SCN11A: variants seen among roughly 807,000 people sequenced by gnomAD.
SCN11A encodes sodium voltage-gated channel alpha subunit 11.
In SCN11A, 122 loss-of-function variants were observed where a neutral mutation model predicts 162.2. That is an observed-to-expected ratio of 0.75 (90% CI 0.65 to 0.87). The LOEUF (loss-of-function observed/expected upper bound fraction) is 0.87, where lower values mean the gene tolerates loss of function less well. SCN11A is among the 40% of genes least tolerant of loss of function. SCN11A has a pLI of 0.00. For missense variants in SCN11A, 2,015 were observed against 2,181.6 expected (o/e 0.92, Z 1.52); for synonymous variants, 758 against 751.5 (o/e 1.01, Z -0.14).
At chr3:38,919,459 G>A (rs1350940543) in intron 11 of SCN11A, among the ~76,000 whole-genome samples, 2 of 152,184 alleles carry the variant, frequency 1.3e-5, no homozygotes, top group African/African-American at 2.4e-5. Context: ...TTCCCCATTG[G>A]AGCAGAGGGC....
intron 2 of SCN11A, among the ~76,000 whole-genome samples, chr3:39,002,498 T>C (rs2030845525): frequency 6.6e-6 from 1 of 152,230 alleles, no homozygotes; most frequent in Non-Finnish European, 1.5e-5. Context: ...GATTTGTATT[T>C]CTACAAGTTT....
In SCN11A at chr3:38,969,056, C is replaced by T. The variant is rs1049847717; in HGVS notation, c.-279-8633G>A. On this transcript the variant is annotated intron_variant, in intron 2 of 29. Coordinates refer to ENST00000302328, the MANE Select transcript of SCN11A (RefSeq NM_001349253.2). ...ATATTTGAGCCCCAAGTAGTAGCTGCAGTGGCTTGCTGACTTATTTGTGCA... is the reference window on the plus strand; with the variant it reads ...ATATTTGAGCCCCAAGTAGTAGCTGTAGTGGCTTGCTGACTTATTTGTGCA... Among the ~76,000 whole-genome samples, 30 of 152,112 alleles carry T rather than the reference C, an allele frequency of 2.0e-4. 1 individual carries two copies. Among genetic ancestry groups the T allele is most frequent in the Non-Finnish European group, 2.9e-5 (2 of 68,016 alleles).
chr3:38,997,978 A>T (rs2030694758), intron 2 of SCN11A, among the ~76,000 whole-genome samples: 1 of 152,232 alleles, frequency 6.6e-6, no homozygotes, highest in Non-Finnish European at 1.5e-5. Flanking sequence ...TTTTAAAAAT[A>T]AATGTATTAA....
At position 38,852,654 on chromosome 3, in the gene SCN11A, G is replaced by T. The variant is rs147236633; in HGVS notation, c.4057-1903C>A. Among the ~76,000 whole-genome samples, 4 of 152,294 alleles carry T rather than the reference G, an allele frequency of 2.6e-5. No homozygotes were observed. The East Asian group carries it at 7.7e-4, about 29-fold the overall frequency. On this transcript the variant is annotated intron_variant, in intron 28 of 29. Coordinates refer to ENST00000302328, the MANE Select transcript of SCN11A (RefSeq NM_001349253.2). ...CTTGTTCTATTACTGGAAATGAAAT[G>T]CATCAATGCTCAGGCTAAAACAGCT... is the stretch of plus-strand genomic sequence containing the variant.
intron 28 of SCN11A, among the ~76,000 whole-genome samples, chr3:38,861,852 C>G (rs932503529): frequency 6.6e-6 from 1 of 151,966 alleles, no homozygotes; most frequent in African/African-American, 2.4e-5. Flanking sequence ...GACCAAGAAC[C>G]CAAATGCAAA....
intron 16 of SCN11A, among the ~76,000 whole-genome samples, chr3:38,900,742 TGCAGG>T (rs1428324265): frequency 1.3e-5 from 2 of 151,674 alleles, no homozygotes; most frequent in African/African-American, 2.4e-5. Context: ...TCATTCAGAA[TGCAGG>T]GCTCACATTT....
intron 11 of SCN11A, among the ~76,000 whole-genome samples, chr3:38,917,958 G>T (rs1186163411): frequency 2.6e-5 from 4 of 152,126 alleles, no homozygotes; most frequent in Non-Finnish European, 5.9e-5. Context: ...TGTGTCCTCT[G>T]CCTCTCTACT....
chr3:38,866,473 G>GCCTC (rs748112388), intron 27 of SCN11A, among the ~76,000 whole-genome samples: 14 of 152,170 alleles, frequency 9.2e-5, no homozygotes, highest in Non-Finnish European at 1.2e-4. Context: ...CCCCGCCTTG[G>GCCTC]CCTCCCAAAG....
chr3:38,980,155 G>A (rs1434883145), intron 2 of SCN11A, among the ~76,000 whole-genome samples: 1 of 152,058 alleles, frequency 6.6e-6, no homozygotes, highest in African/African-American at 2.4e-5. Context: ...CTGGGTGCTC[G>A]TAAATGCTGG....
chr3:39,044,309 T>G (rs886797440), intron 1 of SCN11A, among the ~76,000 whole-genome samples: 5 of 152,152 alleles, frequency 3.3e-5, no homozygotes, highest in African/African-American at 4.8e-5. Flanking sequence ...AACGGCAATA[T>G]AGACCAAATG....
chr3:39,023,818 T>A lies in SCN11A; in HGVS notation c.-280+8562A>T, dbSNP rs189327419. Among the ~76,000 whole-genome samples, 66 of 152,250 alleles carry A rather than the reference T, an allele frequency of 4.3e-4. No homozygotes were observed. The East Asian group carries it at 9.7e-3, about 22-fold the overall frequency. ...CCACCACGCCTGGCTAATTTTTGTA[T>A]TTTTAGTAGAGGCAGGGTTTTACCA... On this transcript the variant is annotated intron_variant, in intron 2 of 29. Transcript: ENST00000302328.
chr3:38,907,896 C>A, intron 14 of SCN11A, 53 bp downstream of exon 14: 1 of 1,438,026 alleles, frequency 7.0e-7, no homozygotes, highest in South Asian at 1.3e-5. Flanking sequence ...GGCAATTGGA[C>A]CTGTCCCCCT....
chr3:38,957,516 C>T (rs910189470), intron 3 of SCN11A, among the ~76,000 whole-genome samples: 1 of 152,084 alleles, frequency 6.6e-6, no homozygotes, highest in African/African-American at 2.4e-5. Flanking sequence ...ACTGGGAGGC[C>T]GGCCACATGC....
At chr3:38,963,027 A>G (rs991208827) in intron 2 of SCN11A, among the ~76,000 whole-genome samples, 2 of 151,804 alleles carry the variant, frequency 1.3e-5, no homozygotes, top group Admixed American at 6.6e-5. Context: ...AAGAATGGCC[A>G]TAATTAAAAA....
chr3:38,849,062 T>C (rs2064727796), intron 29 of SCN11A, among the ~76,000 whole-genome samples: 1 of 152,182 alleles, frequency 6.6e-6, no homozygotes, highest in Non-Finnish European at 1.5e-5. Flanking sequence ...GCAAATGCCA[T>C]ACAGCATGTA....
intron 28 of SCN11A, 26 bp from the exon 29 acceptor site, chr3:38,850,777 C>A (rs780540916): frequency 4.6e-6 from 7 of 1,535,322 alleles, no homozygotes; most frequent in South Asian, 2.5e-5. Context: ...AATTATAAAT[C>A]ATTTTGAATG....
Position 38,871,532 on chromosome 3 carries a change from A to G in SCN11A, c.3672T>C (p.Ser1224=), listed in dbSNP as rs766425396. ...AAGAGAAATTGCCACTTTCACATTG[A>G]CTTTTATTTGTAATGATGGTATAAT... ...VINYTIITNK[S]QCESGNFSWI... Residue 1224 remains serine (S), a synonymous_variant, in exon 25 of 30, where the codon AGT becomes AGC. Transcript: ENST00000302328. 2 of 1,612,572 alleles carry G rather than the reference A, an allele frequency of 1.2e-6. No individual in the cohort carries two copies. The highest frequency in any genetic ancestry group is 4.5e-5 in the East Asian group (2 of 44,806).
Position 38,846,863 on chromosome 3 carries a change from C to T in SCN11A, c.5207G>A (p.Gly1736Asp). The T allele has an allele frequency of 6.2e-7, 1 of 1,614,002 alleles. No homozygotes were observed. Among genetic ancestry groups the T allele is most frequent in the Non-Finnish European group, 8.5e-7 (1 of 1,179,962 alleles). The change falls in exon 30 of 30, where the codon GGT becomes GAT. Residue 1736 changes from glycine (G) to aspartate (D), a missense_variant. Coordinates refer to ENST00000302328, the MANE Select transcript of SCN11A (RefSeq NM_001349253.2). ...TTTKRKEEER[G>D]AAIIQKAFRK... ...AAAGGCCTTTTGAATAATAGCAGCA[C>T]CTCTTTCCTCTTCCTTTCTCTTGGT...
intron 12 of SCN11A, 145 bp downstream of exon 12, chr3:38,909,921 C>CAGAATTTAACAGGCAGAATTT: frequency 1.1e-6 from 1 of 879,308 alleles, no homozygotes; most frequent in Non-Finnish European, 1.7e-6. Flanking sequence ...TTTAACAGTA[C>CAGAATTTAACAGGCAGAATTT]AACTGTTAAA....
Sources: allele counts gnomAD v4.1 joint callset (sites outside exome capture counted in the v4.1 genomes callset), GRCh38; gene constraint gnomAD v4.1.1; transcripts MANE v1.5; gene names NCBI Gene and HGNC (gene_info 2026-07-23, HGNC 2026-07-21).